PTPN12: variants seen among roughly 807,000 people sequenced by gnomAD.
PTPN12 encodes protein tyrosine phosphatase non-receptor type 12.
PTPN12 carries 29 observed loss-of-function variants against 97.6 expected under a neutral mutation model. The observed-to-expected ratio is 0.30, with a 90% CI of 0.22 to 0.41. The LOEUF (loss-of-function observed/expected upper bound fraction) is 0.41. PTPN12 is among the 10% of genes least tolerant of loss of function. The pLI, the probability that PTPN12 is intolerant of heterozygous loss-of-function variation, is 1.00. For missense variants in PTPN12, 819 were observed against 926.0 expected, an observed-to-expected ratio of 0.88 and a Z score of 1.50; for synonymous variants, 327 against 300.4, an observed-to-expected ratio of 1.09 and a Z score of -0.91.
intron 11 of PTPN12, among the ~76,000 whole-genome samples, chr7:77,611,849 T>A (rs1788579186): frequency 6.6e-6 from 1 of 152,248 alleles, no homozygotes; most frequent in Non-Finnish European, 1.5e-5. Flanking sequence ...TGTAACATCT[T>A]ACTGGATATT....
intron 2 of PTPN12, among the ~76,000 whole-genome samples, chr7:77,577,664 A>G (rs1787383795): frequency 6.6e-6 from 1 of 152,226 alleles, no homozygotes; most frequent in Non-Finnish European, 1.5e-5. Flanking sequence ...GCCAAAATCA[A>G]AATACACATG....
rs142561618 is a variant in PTPN12, at chr7:77,578,356, C to T, written c.209-3071C>T. Among the ~76,000 whole-genome samples the T allele has an allele frequency of 6.7e-3, 1,024 of 152,114 alleles. 41 individuals are homozygous for T. Among genetic ancestry groups the T allele is most frequent in the Admixed American group, 0.06 (923 of 15,276 alleles). ...TTTTTTGTATGTGTATTTCCTATCC[C>T]AAATGGCATATAAAAAGGGGGATGG... On this transcript the variant is annotated intron_variant, in intron 2 of 17. Transcript: ENST00000248594.
intron 13 of PTPN12, among the ~76,000 whole-genome samples, chr7:77,629,663 G>A (rs533691622): frequency 2.0e-5 from 3 of 152,026 alleles, no homozygotes; most frequent in East Asian, 1.9e-4. Context: ...TACATGACGA[G>A]TCTGTTGGTG....
intron 1 of PTPN12, among the ~76,000 whole-genome samples, chr7:77,567,632 A>ATG (rs147770915): frequency 0.031 from 4,667 of 152,298 alleles, 102 homozygotes; most frequent in Non-Finnish European, 0.044. Flanking sequence ...AGGCCCAGCA[A>ATG]TGTGGCCCTC....
intron 1 of PTPN12, among the ~76,000 whole-genome samples, chr7:77,555,158 CT>C (rs2151303524): frequency 6.6e-6 from 1 of 151,026 alleles, no homozygotes; most frequent in South Asian, 2.1e-4. Flanking sequence ...TCTTATTATA[CT>C]TGCTCCTCTT....
intron 2 of PTPN12, among the ~76,000 whole-genome samples, chr7:77,574,402 A>C (rs937273453): frequency 1.3e-5 from 2 of 152,210 alleles, no homozygotes; most frequent in African/African-American, 4.8e-5. Flanking sequence ...GCCATTTTGC[A>C]AACAGGAAAC....
chr7:77,625,530 A>C (rs6953994), intron 12 of PTPN12, among the ~76,000 whole-genome samples: 27 of 14,972 alleles, frequency 1.8e-3, no homozygotes, highest in Non-Finnish European at 2.5e-3. Flanking sequence ...TCTCACTCTC[A>C]CTCTCACTCG....
At chr7:77,596,661 C>T (rs1788031845) in intron 6 of PTPN12, among the ~76,000 whole-genome samples, 1 of 152,224 alleles carries the variant, frequency 6.6e-6, no homozygotes, top group African/African-American at 2.4e-5. Context: ...ATCCGTCCAC[C>T]TCAGCCTCTC....
Position 77,638,681 on chromosome 7 carries a change from G to A in PTPN12, c.2231G>A (p.Ser744Asn). 4 of 1,608,034 alleles carry A rather than the reference G, an allele frequency of 2.5e-6. No individual in the cohort carries two copies. Among genetic ancestry groups the A allele is most frequent in the African/African-American group, 1.3e-5 (1 of 74,758 alleles). ...TGCATAGAATGTCCACCTACTTTCA[G>A]TGACAAGAGAGAACAAATATCAGAA... ...EMCIECPPTF[S>N]DKREQISENP... Residue 744 changes from serine to asparagine, a missense_variant, in exon 17 of 18, where the codon AGT (serine) becomes AAT (asparagine). By Grantham distance (46) the Ser-to-Asn change is conservative. This residue lies in a region of PTPN12 where 607 missense variants were observed against 577.3 expected (regional missense o/e 1.05). Coordinates refer to ENST00000248594, the MANE Select transcript of PTPN12 (RefSeq NM_002835.4).
intron 9 of PTPN12, among the ~76,000 whole-genome samples, chr7:77,609,805 C>T (rs998812429): frequency 2.0e-4 from 30 of 151,496 alleles, no homozygotes; most frequent in South Asian, 4.2e-4. Flanking sequence ...GGCGTGAACC[C>T]GGGAGGCGGA....
At position 77,574,567 on chromosome 7, in the gene PTPN12, G is replaced by A. The variant is rs1359711726; in HGVS notation, c.208+3381G>A. 3.9e-5 allele frequency among the ~76,000 whole-genome samples: 6 copies of A among 152,132 alleles called. No individual in the cohort carries two copies. In the East Asian group the frequency reaches 9.7e-4, roughly 24 times the overall value. ...GATTTGGTTGTCACAACTGGGGTAT[G>A]GGAGTGGACAGGCTGCTAATGGCAT... is the stretch of plus-strand genomic sequence containing the variant. On this transcript the variant is annotated intron_variant, in intron 2 of 17. Coordinates refer to ENST00000248594, the MANE Select transcript of PTPN12 (RefSeq NM_002835.4).
intron 12 of PTPN12, among the ~76,000 whole-genome samples, chr7:77,625,803 C>T (rs1014528904): frequency 6.6e-6 from 1 of 151,660 alleles, no homozygotes; most frequent in African/African-American, 2.4e-5. Flanking sequence ...CTCCTGAGCT[C>T]AATTGATCCA....
intron 12 of PTPN12, among the ~76,000 whole-genome samples, chr7:77,622,727 C>T (rs911437036): frequency 5.3e-5 from 8 of 151,686 alleles, no homozygotes; most frequent in African/African-American, 9.7e-5. Context: ...GTCGAGATCG[C>T]GCCACTGCTC....
intron 12 of PTPN12, among the ~76,000 whole-genome samples, chr7:77,625,472 G>GCTCGCTCTCTCT: frequency 5.1e-4 from 17 of 33,526 alleles, no homozygotes; most frequent in Non-Finnish European, 7.0e-4. Context: ...CAGGCTGCTC[G>GCTCGCTCTCTCT]CTCTCTCTCT....
chr7:77,638,015 T>C (rs930145880), intron 16 of PTPN12, among the ~76,000 whole-genome samples: 11 of 121,778 alleles, frequency 9.0e-5, no homozygotes, highest in Non-Finnish European at 1.8e-4. Context: ...TGGAGTGCAG[T>C]GGCGCGATCT....
At chr7:77,631,029 G>A (rs1163972910) in intron 13 of PTPN12, among the ~76,000 whole-genome samples, 2 of 152,128 alleles carry the variant, frequency 1.3e-5, no homozygotes, top group African/African-American at 4.8e-5. Context: ...GGGCTGAACT[G>A]CCCTTTTTGT....
chr7:77,602,135 A>G (rs1363658413), intron 8 of PTPN12, among the ~76,000 whole-genome samples: 2 of 151,638 alleles, frequency 1.3e-5, no homozygotes, highest in African/African-American at 4.9e-5. Flanking sequence ...ACTTTGGGGG[A>G]ATGAACATGA....
At chr7:77,575,907 A>G (rs1436508813) in intron 2 of PTPN12, among the ~76,000 whole-genome samples, 1 of 152,148 alleles carries the variant, frequency 6.6e-6, no homozygotes, top group Non-Finnish European at 1.5e-5. Context: ...GCTGGAGTGC[A>G]GTGGCATGAT....
chr7:77,558,306 A>C lies in PTPN12; in HGVS notation c.100-12772A>C, dbSNP rs542983104. Among the ~76,000 whole-genome samples, 12 of 152,262 alleles carry C rather than the reference A, an allele frequency of 7.9e-5. No individual in the cohort carries two copies. The South Asian group carries it at 2.5e-3, about 32-fold the overall frequency. On this transcript the variant is annotated intron_variant, in intron 1 of 17. Coordinates refer to ENST00000248594, the MANE Select transcript of PTPN12 (RefSeq NM_002835.4). ...TTCTAGGTCCATTAAGGGGAGGGTAAACTGGTGAAGCCTGTTTTGGAAGGC... is the reference window on the plus strand; with the variant it reads ...TTCTAGGTCCATTAAGGGGAGGGTACACTGGTGAAGCCTGTTTTGGAAGGC...
Sources: allele counts gnomAD v4.1 joint callset (sites outside exome capture counted in the v4.1 genomes callset), GRCh38; gene constraint gnomAD v4.1.1; regional missense constraint gnomAD v4.1.1; transcripts MANE v1.5; gene names NCBI Gene and HGNC (gene_info 2026-07-23, HGNC 2026-07-21).